The following MIB2 variants were observed in gnomAD, a reference collection of about 807,000 sequenced individuals.
The protein encoded by MIB2 is E3 ubiquitin-protein ligase MIB2.
Under a neutral mutation model 96.6 loss-of-function variants are expected in MIB2, and 78 were observed. The observed-to-expected ratio is 0.81, with a 90% CI of 0.67 to 0.97. The LOEUF is 0.97. MIB2 is among the 50% of genes least tolerant of loss of function. The pLI, the probability that MIB2 is intolerant of heterozygous loss-of-function variation, is 0.00. For synonymous variants in MIB2, 820 were observed against 629.5 expected (o/e 1.30, Z -4.53); for missense variants, 1,543 against 1,424.0 (o/e 1.08, Z -1.35).
Position 1,616,586 on chromosome 1 carries a change from G to GC in MIB2, c.-48dup. On this transcript the variant is annotated 5_prime_UTR_variant, in exon 2 of 20. Coordinates refer to ENST00000355826, the MANE Select transcript of MIB2 (RefSeq NM_001170687.4). ...GCTGCAGCCCAGGAGCCTCAAGGCG[G>GC]CCCGGCGGGCGACTGGACGGCCGGA... is the stretch of plus-strand genomic sequence containing the variant. 2 of 1,600,938 alleles carry GC rather than the reference G, an allele frequency of 1.2e-6. No individual in the cohort carries two copies. Among genetic ancestry groups the GC allele is most frequent in the East Asian group, 4.5e-5 (2 of 44,188 alleles).
chr1:1,627,091 C>G lies in MIB2; in HGVS notation c.1258C>G (p.Leu420Val), dbSNP rs1644858856. 1.2e-6 allele frequency: 2 copies of G among 1,600,284 alleles called. No individual in the cohort carries two copies. The highest frequency in any genetic ancestry group is 2.3e-5 in the East Asian group (1 of 44,274). The part of the protein sequence containing the change: ...RENKSSLSVA[L>V]DKLRAQKSDP... ...GCCCCCAGGCTCACTGAGCGTGGCCCTGGACAAGCTTCGGGCCCAGAAGAG... is the reference window on the plus strand; with the variant it reads ...GCCCCCAGGCTCACTGAGCGTGGCCGTGGACAAGCTTCGGGCCCAGAAGAG... The change falls in exon 11 of 20, where the codon CTG (leucine) becomes GTG (valine). Residue 420 changes from leucine to valine, a missense_variant. By Grantham distance (32) the Leu-to-Val change is conservative (BLOSUM62 1). Coordinates refer to ENST00000355826, the MANE Select transcript of MIB2 (RefSeq NM_001170687.4).
Position 1,629,631 on chromosome 1 carries a change from C to T in MIB2, c.2564-8C>T, listed in dbSNP as rs531332376. The T allele has an allele frequency of 3.3e-5, 52 of 1,587,592 alleles. No homozygotes were observed. In the South Asian group the frequency reaches 5.0e-4, roughly 15 times the overall value. On this transcript the variant is annotated splice_polypyrimidine_tract_variant and splice_region_variant and intron_variant, in intron 18 of 19. Coordinates refer to ENST00000355826, the MANE Select transcript of MIB2 (RefSeq NM_001170687.4). ...GGGCCGCAGCCAACCGCGCTCTCCT[C>T]TTCGCAGAGTGCGCGCGCAGGATGA...
chr1:1,621,722 G>C (rs1644274263), intron 2 of MIB2, among the ~76,000 whole-genome samples: 1 of 152,248 alleles, frequency 6.6e-6, no homozygotes, highest in South Asian at 2.1e-4. Context: ...GCATTGGAGA[G>C]GCCAAGCTGG....
Position 1,625,443 on chromosome 1 carries a change from C to G in MIB2, c.864+15C>G. ...GGATGGCGGAGGTGAGCCGCCCCGC[C>G]GTGGAGCCCTGTGTGCCCTGCCCTC... On this transcript the variant is annotated intron_variant, in intron 7 of 19. Coordinates refer to ENST00000355826, the MANE Select transcript of MIB2 (RefSeq NM_001170687.4). The surrounding 1 kb of genome is among the most constrained non-coding windows in gnomAD (Gnocchi z 5.0). 6.4e-7 allele frequency: 1 copy of G among 1,563,590 alleles called. No homozygotes were observed. The highest frequency in any genetic ancestry group is 1.7e-4 in the Middle Eastern group (1 of 5,952).
chr1:1,620,205 C>T (rs546417528), intron 2 of MIB2, among the ~76,000 whole-genome samples: 4 of 152,376 alleles, frequency 2.6e-5, no homozygotes, highest in Non-Finnish European at 4.4e-5. Flanking sequence ...CAGGTGTGGC[C>T]GCTGGCCTGG....
intron 18 of MIB2, 25 bp from the exon 19 acceptor site, chr1:1,629,614 G>A (rs1221292632): frequency 1.9e-6 from 3 of 1,572,264 alleles, no homozygotes; most frequent in South Asian, 1.2e-5. Context: ...TAGGGCCGCA[G>A]CCAACCGCGC....
rs766123125 is a variant in MIB2, at chr1:1,625,658, C to CG, written c.972+12dup. 80 of 1,551,364 alleles carry CG rather than the reference C, an allele frequency of 5.2e-5. No individual in the cohort carries two copies. Among genetic ancestry groups the CG allele is most frequent in the East Asian group, 7.3e-5 (3 of 41,298 alleles). On this transcript the variant is annotated splice_donor_region_variant and intron_variant, in intron 8 of 19. Transcript: ENST00000355826. The surrounding 1 kb of genome is among the most constrained non-coding windows in gnomAD (Gnocchi z 5.0). ...CACCCCGGGGCGCTCACCAAGGTGC[C>CG]GGGGGGGCTGGGCTGCGCCTCATCT...
chr1:1,615,631 A>G lies in MIB2; in HGVS notation c.-132A>G. On this transcript the variant is annotated splice_region_variant and 5_prime_UTR_variant, in exon 1 of 20. The change abolishes an upstream ATG in the 5' untranslated region. Transcript: ENST00000355826. The stretch of plus-strand genomic sequence containing the variant: ...GCGATGCGGGCCGTCCTCTCGGCTG[A>G]TGGTGCGTGCGGGCGCGGATCTCCT... The G allele has an allele frequency of 6.4e-7, 1 of 1,574,524 alleles. No individual in the cohort carries two copies. Among genetic ancestry groups the G allele is most frequent in the Non-Finnish European group, 8.6e-7 (1 of 1,164,464 alleles).
Position 1,626,704 on chromosome 1 carries a change from G to T in MIB2, c.1027G>T (p.Val343Leu), listed in dbSNP as rs758694507. ...VVRVIGDLDT[V>L]KRLQAGHGEW... ...CCGGGTCATCGGCGACCTTGACACA[G>T]TGAAGCGGCTGCAGGCTGGGCATGG... The change falls in exon 9 of 20, where the codon GTG (valine) becomes TTG (leucine). Residue 343 changes from valine (V) to leucine (L), a missense_variant. Physicochemically the swap from Val to Leu is conservative, Grantham distance 32 (BLOSUM62 1). Coordinates refer to ENST00000355826, the MANE Select transcript of MIB2 (RefSeq NM_001170687.4). The surrounding 1 kb of genome is among the most constrained non-coding windows in gnomAD (Gnocchi z 5.3). The T allele has an allele frequency of 6.2e-7, 1 of 1,602,054 alleles. No individual in the cohort carries two copies. Among genetic ancestry groups the T allele is most frequent in the Non-Finnish European group, 8.5e-7 (1 of 1,173,938 alleles).
chr1:1,625,486 C>G lies in MIB2; in HGVS notation c.864+58C>G. On this transcript the variant is annotated intron_variant, in intron 7 of 19. Coordinates refer to ENST00000355826, the MANE Select transcript of MIB2 (RefSeq NM_001170687.4). The surrounding 1 kb of genome is among the most constrained non-coding windows in gnomAD (Gnocchi z 5.0). ...CTGCCCTCCCAGCCCTCCGCCCCCT[C>G]AGCCCCTTCCTCCCCAAGCGTCCAG... 1 of 1,551,132 alleles carries G rather than the reference C, an allele frequency of 6.4e-7. No individual in the cohort carries two copies. The highest frequency in any genetic ancestry group is 8.7e-7 in the Non-Finnish European group (1 of 1,145,752).
At chr1:1,624,771 C>CT (rs763134610) in intron 4 of MIB2, 24 bp from the exon 5 acceptor site, 1 of 1,602,910 alleles carries the variant, frequency 6.2e-7, no homozygotes, top group Non-Finnish European at 8.5e-7. Context: ...CTTCTGAGAG[C>CT]TTTATTTGTG....
chr1:1,630,492 C>T lies in MIB2; in HGVS notation c.2830C>T (p.Arg944Cys), dbSNP rs750217105. 2 of 1,593,630 alleles carry T rather than the reference C, an allele frequency of 1.3e-6. No homozygotes were observed. The highest frequency in any genetic ancestry group is 8.5e-7 in the Non-Finnish European group (1 of 1,175,200). The change falls in exon 20 of 20, where the codon CGC (arginine) becomes TGC (cysteine). Residue 944 changes from arginine (R) to cysteine (C), a missense_variant. Coordinates refer to ENST00000355826, the MANE Select transcript of MIB2 (RefSeq NM_001170687.4). ...GSALSACPIC[R>C]QPIRDRIQIF... ...CGCGCTCAGCGCCTGCCCCATCTGC[C>T]GCCAGCCCATCCGCGACCGCATCCA...
rs1404596678 is a variant in MIB2, at chr1:1,628,590, T to A, written c.2070T>A (p.Ala690=). The change falls in exon 16 of 20, where the codon GCT becomes GCA. Residue 690 remains alanine (A), a synonymous_variant. Coordinates refer to ENST00000355826, the MANE Select transcript of MIB2 (RefSeq NM_001170687.4). ...GGCTGGTGCCGCTACTGGTGGACGC[T>A]GGGTGCAGTGTCAACGCCGAGGACG... ...HVGLVPLLVD[A]GCSVNAEDEE... 6.2e-7 allele frequency: 1 copy of A among 1,601,082 alleles called. No homozygotes were observed. The highest frequency in any genetic ancestry group is 1.1e-5 in the South Asian group (1 of 90,322).
Position 1,616,582 on chromosome 1 carries a change from G to C in MIB2, c.-55G>C. 6.2e-7 allele frequency: 1 copy of C among 1,601,964 alleles called. No individual in the cohort carries two copies. The highest frequency in any genetic ancestry group is 8.5e-7 in the Non-Finnish European group (1 of 1,174,488). Reference sequence around the variant, plus strand: ...CAGGGCTGCAGCCCAGGAGCCTCAAGGCGGCCCGGCGGGCGACTGGACGGC... The same window carrying C: ...CAGGGCTGCAGCCCAGGAGCCTCAACGCGGCCCGGCGGGCGACTGGACGGC... On this transcript the variant is annotated 5_prime_UTR_variant, in exon 2 of 20. Coordinates refer to ENST00000355826, the MANE Select transcript of MIB2 (RefSeq NM_001170687.4).
rs1557591255 is a variant in MIB2, at chr1:1,625,373, ATG to A, written c.811_812del (p.Val271ProfsTer70). 6.3e-7 allele frequency: 1 copy of A among 1,589,512 alleles called. No individual in the cohort carries two copies. The highest frequency in any genetic ancestry group is 1.8e-5 in the Admixed American group (1 of 56,690). ...AAGGTCAAGTGTCTGCTGGACACTGATGTCCTGCGGGAGATGCAGGAAGGCCA... is the reference window on the plus strand; with the variant it reads ...AAGGTCAAGTGTCTGCTGGACACTGATCCTGCGGGAGATGCAGGAAGGCCA... On this transcript the variant is annotated frameshift_variant, in exon 7 of 20. Transcript: ENST00000355826. LOFTEE classifies it high-confidence loss of function. This position sits in a 1 kb window ranked among gnomAD's most constrained non-coding sequence, Gnocchi z 5.0.
intron 11 of MIB2, 43 bp downstream of exon 11, chr1:1,627,250 G>A: frequency 1.2e-6 from 2 of 1,612,734 alleles, no homozygotes; most frequent in East Asian, 4.5e-5. Flanking sequence ...CAGTCTGAGA[G>A]TGAGGGGCAG....
At position 1,621,845 on chromosome 1, in the gene MIB2, A is replaced by C. The variant is rs138925792; in HGVS notation, c.-22-1586A>C. Among the ~76,000 whole-genome samples, 9 of 152,310 alleles carry C rather than the reference A, an allele frequency of 5.9e-5. No homozygotes were observed. In the East Asian group the frequency reaches 1.2e-3, roughly 20 times the overall value. ...CCAGCCCTGCAGGCAGAGCCTCTGCACTGGACTCAGTCTCCGGAGTGGGGC... is the reference window on the plus strand; with the variant it reads ...CCAGCCCTGCAGGCAGAGCCTCTGCCCTGGACTCAGTCTCCGGAGTGGGGC... On this transcript the variant is annotated intron_variant, in intron 2 of 19. Transcript: ENST00000355826.
In MIB2 at chr1:1,630,324, C is replaced by G. The variant is rs1638665669; in HGVS notation, c.2662C>G (p.Pro888Ala). The G allele has an allele frequency of 1.3e-6, 2 of 1,533,900 alleles. No individual in the cohort carries two copies. Among genetic ancestry groups the G allele is most frequent in the Non-Finnish European group, 1.7e-6 (2 of 1,143,984 alleles). ...GSEVASAAPA[P>A]GPPRQLVEEL... ...TGAGGTGGCGAGCGCCGCCCCCGCC[C>G]CCGGCCCGCCGCGCCAGCTGGTGGA... Residue 888 changes from proline to alanine, a missense_variant, in exon 20 of 20, where the codon CCC becomes GCC. Transcript: ENST00000355826.
Position 1,623,921 on chromosome 1 carries a change from G to C in MIB2, c.395G>C (p.Arg132Pro). The change falls in exon 4 of 20, where the codon CGC becomes CCC. Residue 132 changes from arginine (R) to proline (P), a missense_variant. Transcript: ENST00000355826. ...NKHELAHAFD[R>P]YETAHSRPVT... ...CATGAGCTCGCCCACGCCTTCGACC[G>C]CTACGAGACCGCTCACTCGCGCCCG... 1 of 1,609,962 alleles carries C rather than the reference G, an allele frequency of 6.2e-7. No homozygotes were observed.
Sources: gnomAD v4.1 joint callset for allele counts (sites outside exome capture counted in the v4.1 genomes callset) on GRCh38, gnomAD v4.1.1 for gene constraint, Gnocchi (gnomAD v3.1) non-coding constraint, MANE v1.5 for transcripts, NCBI Gene and HGNC (gene_info 2026-07-23, HGNC 2026-07-21) for gene names.